COPG2: variants seen among roughly 807,000 people sequenced by gnomAD.
COPG2 encodes coatomer subunit gamma-2.
A neutral mutation model predicts 46.3 loss-of-function variants in COPG2; 37 were observed. That is an observed-to-expected ratio of 0.80 (90% CI 0.61 to 1.05). COPG2 has a LOEUF of 1.05. Ranked by LOEUF, COPG2 falls within the 50% of genes least tolerant of loss-of-function variation. The pLI, the probability that COPG2 is intolerant of heterozygous loss-of-function variation, is 0.00. For missense variants in COPG2, 427 were observed against 387.8 expected, an observed-to-expected ratio of 1.10 and a Z score of -0.85; for synonymous variants, 159 against 129.7, an observed-to-expected ratio of 1.23 and a Z score of -1.53.
chr7:130,651,605 T>C (rs113028017), intron 5 of COPG2, among the ~76,000 whole-genome samples: 28,421 of 139,872 alleles, frequency 0.2, 2,868 homozygotes, highest in Middle Eastern at 0.26. Flanking sequence ...CAAGCTCCGC[T>C]TCCCGGGTTC....
chr7:130,647,645 C>A (rs1401132424), intron 5 of COPG2, among the ~76,000 whole-genome samples: 1 of 150,360 alleles, frequency 6.7e-6, no homozygotes, highest in African/African-American at 2.5e-5. Flanking sequence ...TCCAAATGTT[C>A]GATATTGGAA....
intron 3 of COPG2, among the ~76,000 whole-genome samples, 193 bp downstream of exon 3, chr7:130,666,656 A>G (rs782800481): frequency 6.6e-6 from 1 of 152,222 alleles, no homozygotes; most frequent in African/African-American, 2.4e-5. Context: ...ATTGCAAAGA[A>G]GGTATACTCA....
intron 3 of COPG2, 27 bp from the exon 4 acceptor site, chr7:130,663,065 A>G: frequency 7.2e-7 from 1 of 1,386,306 alleles, no homozygotes; most frequent in Non-Finnish European, 9.8e-7. Context: ...ACAATTTTTA[A>G]ATTTTAAAAA....
intron 9 of COPG2, among the ~76,000 whole-genome samples, chr7:130,596,228 G>C (rs924163771): frequency 2.0e-5 from 3 of 152,146 alleles, no homozygotes; most frequent in Admixed American, 6.5e-5. Flanking sequence ...CACTGACCTT[G>C]GTTGGGAACT....
At chr7:130,560,015 A>C (rs1315692519) in intron 12 of COPG2, among the ~76,000 whole-genome samples, 1 of 152,142 alleles carries the variant, frequency 6.6e-6, no homozygotes, top group African/African-American at 2.4e-5. Flanking sequence ...GTACTTTTTT[A>C]ATTAGGCAAG....
At chr7:130,566,004 C>T (rs1793796945) in intron 9 of COPG2, among the ~76,000 whole-genome samples, 1 of 151,998 alleles carries the variant, frequency 6.6e-6, no homozygotes, top group Admixed American at 6.5e-5. Flanking sequence ...AAAAGAGAGA[C>T]ACAAAGGGGA....
At chr7:130,608,446 T>C (rs1554451595) in intron 9 of COPG2, among the ~76,000 whole-genome samples, 2 of 152,196 alleles carry the variant, frequency 1.3e-5, no homozygotes, top group Non-Finnish European at 2.9e-5. Context: ...CTATCATTTC[T>C]TTTTAGCTGG....
At chr7:130,653,095 G>T in intron 4 of COPG2, 147 bp from the exon 5 acceptor site, 1 of 587,428 alleles carries the variant, frequency 1.7e-6, no homozygotes. Context: ...ATTAATATCT[G>T]GGTGAGAAAC....
chr7:130,668,699 C>A lies in COPG2; in HGVS notation c.-31G>T, dbSNP rs781856609. ...ACGACTTCCCAGCGCCCAGACCCAC[C>A]GCAACCGTCCCAGGCGCCGCAGCCG... On this transcript the variant is annotated 5_prime_UTR_variant, in exon 1 of 24. Coordinates refer to ENST00000425248, the MANE Select transcript of COPG2 (RefSeq NM_012133.6). 6 of 1,519,286 alleles carry A rather than the reference C, an allele frequency of 3.9e-6. No individual in the cohort carries two copies. Among genetic ancestry groups the A allele is most frequent in the East Asian group, 2.8e-5 (1 of 35,440 alleles). 94.1% of individuals were successfully genotyped at this position (1,519,286 alleles called of 1,614,324 possible).
Position 130,585,142 on chromosome 7 carries a change from G to C in COPG2, c.738-20749C>G, listed in dbSNP as rs532796896. On this transcript the variant is annotated intron_variant, in intron 9 of 23. Coordinates refer to ENST00000425248, the MANE Select transcript of COPG2 (RefSeq NM_012133.6). Reference sequence around the variant, plus strand: ...GCACATAGGCCAATGTAACAGAATAGAGAACCCAGAAATATACCCAAATAC... The same window carrying C: ...GCACATAGGCCAATGTAACAGAATACAGAACCCAGAAATATACCCAAATAC... Among the ~76,000 whole-genome samples, 17 of 152,024 alleles carry C rather than the reference G, an allele frequency of 1.1e-4. 1 individual carries two copies. Among genetic ancestry groups the C allele is most frequent in the Non-Finnish European group, 2.2e-4 (15 of 67,982 alleles).
intron 9 of COPG2, among the ~76,000 whole-genome samples, chr7:130,591,091 T>TGGG (rs1200673430): frequency 1.1e-5 from 1 of 88,088 alleles, no homozygotes; most frequent in Non-Finnish European, 2.3e-5. Context: ...AGAAGGGAGG[T>TGGG]GGGGGGGTCA....
intron 9 of COPG2, among the ~76,000 whole-genome samples, chr7:130,597,047 C>T (rs892568372): frequency 6.6e-6 from 1 of 152,214 alleles, no homozygotes; most frequent in African/African-American, 2.4e-5. Context: ...CCTTGACCCT[C>T]GCGGGAACTG....
chr7:130,644,279 G>A (rs1795549711), intron 5 of COPG2, among the ~76,000 whole-genome samples: 1 of 152,140 alleles, frequency 6.6e-6, no homozygotes, highest in Non-Finnish European at 1.5e-5. Flanking sequence ...GAAACACTAG[G>A]TATGACTAGT....
intron 20 of COPG2, among the ~76,000 whole-genome samples, chr7:130,531,736 T>C (rs1406849666): frequency 6.7e-6 from 1 of 149,720 alleles, no homozygotes; most frequent in Non-Finnish European, 1.5e-5. Context: ...AGGAAAGCAC[T>C]AGAATGCTCC....
chr7:130,572,765 G>T (rs559960260), intron 9 of COPG2, among the ~76,000 whole-genome samples: 7 of 151,818 alleles, frequency 4.6e-5, no homozygotes, highest in South Asian at 2.1e-4. Flanking sequence ...AACAAAAAAG[G>T]GTCTCAAATC....
chr7:130,637,555 CTG>C (rs1460413495), intron 5 of COPG2, among the ~76,000 whole-genome samples: 1 of 152,148 alleles, frequency 6.6e-6, no homozygotes, highest in African/African-American at 2.4e-5. Flanking sequence ...TGTTCTCATG[CTG>C]TGTTTTTCAG....
intron 5 of COPG2, among the ~76,000 whole-genome samples, chr7:130,629,778 G>A (rs1584592057): frequency 6.6e-6 from 1 of 152,086 alleles, no homozygotes; most frequent in African/African-American, 2.4e-5. Flanking sequence ...CTTCTTGTGT[G>A]TCAGTTTAGG....
chr7:130,566,369 T>C (rs1009843239), intron 9 of COPG2, among the ~76,000 whole-genome samples: 10 of 152,206 alleles, frequency 6.6e-5, no homozygotes, highest in African/African-American at 2.4e-4. Flanking sequence ...CACACTGCTG[T>C]TGGGAATGCA....
rs1794974727 is a variant in COPG2, at chr7:130,617,831, T to C, written c.324-766A>G. Among the ~76,000 whole-genome samples, 4 of 152,250 alleles carry C rather than the reference T, an allele frequency of 2.6e-5. 1 individual carries two copies. In the South Asian group the frequency reaches 8.3e-4, roughly 32 times the overall value. On this transcript the variant is annotated intron_variant, in intron 5 of 23. Coordinates refer to ENST00000425248, the MANE Select transcript of COPG2 (RefSeq NM_012133.6). ...AGGAAAGCAATTTGGCCAGGTGTGG[T>C]GGCTCATGTCTGTAATCCCAGCACT...
Sources: gnomAD v4.1 joint callset for allele counts (sites outside exome capture counted in the v4.1 genomes callset) on GRCh38, gnomAD v4.1.1 for gene constraint, MANE v1.5 for transcripts, NCBI Gene and HGNC (gene_info 2026-07-23, HGNC 2026-07-21) for gene names.